SYNJ1: variants seen among roughly 807,000 people sequenced by gnomAD.
SYNJ1 encodes the protein synaptojanin 1, also known as polyphosphatidylinositol phosphatase SYNJ1.
Under a neutral mutation model 168.2 loss-of-function variants are expected in SYNJ1, and 78 were observed. That is an observed-to-expected ratio of 0.46 (90% CI 0.39 to 0.56). SYNJ1 has a LOEUF of 0.56. Ranked by LOEUF, SYNJ1 falls within the 20% of genes least tolerant of loss-of-function variation. SYNJ1 has a pLI of 0.00. For synonymous variants in SYNJ1, 539 were observed against 548.6 expected (o/e 0.98, Z 0.24); for missense variants, 1,303 against 1,597.6 (o/e 0.82, Z 3.14).
chr21:32,670,939 C>G lies in SYNJ1; in HGVS notation c.1727-567G>C, dbSNP rs906658769. 8 of 481,724 alleles carry G rather than the reference C, an allele frequency of 1.7e-5. No individual in the cohort carries two copies. In the African/African-American group the frequency reaches 1.7e-4, roughly 10 times the overall value. 29.8% of individuals were successfully genotyped at this position (481,724 alleles called of 1,614,324 possible). Reference sequence around the variant, plus strand: ...GGAAACTACAAGGACTAACGGAGAACAGAGCTGCCTGAGAAAGCAGCCCAG... The same window carrying G: ...GGAAACTACAAGGACTAACGGAGAAGAGAGCTGCCTGAGAAAGCAGCCCAG... On this transcript the variant is annotated intron_variant, in intron 14 of 32. Transcript: ENST00000674351.
intron 30 of SYNJ1, among the ~76,000 whole-genome samples, chr21:32,639,464 TTACC>T (rs2039730626): frequency 6.6e-6 from 1 of 152,226 alleles, no homozygotes; most frequent in Admixed American, 6.5e-5. Flanking sequence ...TGATCACGGC[TTACC>T]ACAGTCTCAA....
chr21:32,668,009 ATGTGTGTGTGTGTGTGTGTG>A (rs3056370), intron 15 of SYNJ1, among the ~76,000 whole-genome samples: 8 of 144,004 alleles, frequency 5.6e-5, no homozygotes, highest in African/African-American at 2.1e-4. Flanking sequence ...AAGAATATAT[ATGTGTGTGTGTGTGTGTGTG>A]TGTGTGTGTG....
chr21:32,652,834 A>G lies in SYNJ1; in HGVS notation c.2874+454T>C, dbSNP rs560505446. Among the ~76,000 whole-genome samples, 21 of 152,318 alleles carry G rather than the reference A, an allele frequency of 1.4e-4. 2 individuals carry two copies. The South Asian group carries it at 4.3e-3, about 32-fold the overall frequency. ...TGGGATGGATCTGTTATCTCTGGAAATTAATTTAGTTATGTTTGAAGAAGA... is the reference window on the plus strand; with the variant it reads ...TGGGATGGATCTGTTATCTCTGGAAGTTAATTTAGTTATGTTTGAAGAAGA... On this transcript the variant is annotated intron_variant, in intron 22 of 32. Transcript: ENST00000674351.
chr21:32,663,758 G>A lies in SYNJ1; in HGVS notation c.2304+1155C>T, dbSNP rs911174774. Among the ~76,000 whole-genome samples, 9 of 152,294 alleles carry A rather than the reference G, an allele frequency of 5.9e-5. No individual in the cohort carries two copies. The East Asian group carries it at 9.7e-4, about 16-fold the overall frequency. ...ATTTACATGCTCAACCGAATCATACGGTTACAAGCTGTCTTAGAAATAATC... is the reference window on the plus strand; with the variant it reads ...ATTTACATGCTCAACCGAATCATACAGTTACAAGCTGTCTTAGAAATAATC... On this transcript the variant is annotated intron_variant, in intron 18 of 32. Coordinates refer to ENST00000674351, the MANE Select transcript of SYNJ1 (RefSeq NM_203446.3).
At chr21:32,702,893 T>C (rs1473062808) in intron 2 of SYNJ1, among the ~76,000 whole-genome samples, 1 of 152,284 alleles carries the variant, frequency 6.6e-6, no homozygotes, top group Non-Finnish European at 1.5e-5. Flanking sequence ...TGTTCCACGT[T>C]AGAAAATCAC....
At position 32,684,840 on chromosome 21, in the gene SYNJ1, G is replaced by T. The variant is rs145682331; in HGVS notation, c.1119-721C>A. On this transcript the variant is annotated intron_variant, in intron 9 of 32. Transcript: ENST00000674351. ...TGAGACTTGCAGCAGATGGAAATGG[G>T]CATAATAATAGAGTCTATCCCTATA... 5.9e-5 allele frequency among the ~76,000 whole-genome samples: 9 copies of T among 152,272 alleles called. No individual in the cohort carries two copies. The East Asian group carries it at 1.7e-3, about 29-fold the overall frequency.
At chr21:32,670,896 T>C (rs2041159330) in intron 14 of SYNJ1, 1 of 810,346 alleles carries the variant, frequency 1.2e-6, no homozygotes, top group South Asian at 5.7e-5. Context: ...CATCACTCTG[T>C]CTAGCTGCTG....
chr21:32,717,341 T>A (rs945202152), intron 2 of SYNJ1, among the ~76,000 whole-genome samples: 1 of 152,350 alleles, frequency 6.6e-6, no homozygotes. Context: ...TTACAATAGC[T>A]GTTTTAATGT....
rs1438911029 is a variant in SYNJ1 at position 32,700,105 on chromosome 21, C to T, written c.212G>A (p.Gly71Asp). The change falls in exon 4 of 33, where the codon GGT becomes GAT. Residue 71 changes from glycine to aspartate, a missense_variant and splice_region_variant. Gly to Asp is a moderately conservative substitution (Grantham distance 94). Around this residue, in one of 2 missense-constraint regions of SYNJ1, gnomAD observed 920 missense variants for 1,208.8 expected, o/e 0.76. Coordinates refer to ENST00000674351, the MANE Select transcript of SYNJ1 (RefSeq NM_203446.3). ...GLLGVLRLNL[G>D]DTMLHYLVLV... is the part of the protein sequence containing the mutation. ...GACCAGATAATGTAACATAGTATCA[C>T]CTGCAAAACCCAAAGATTTTACTGG... is the stretch of plus-strand genomic sequence containing the variant. 2 of 1,589,168 alleles carry T rather than the reference C, an allele frequency of 1.3e-6. No homozygotes were observed. Among genetic ancestry groups the T allele is most frequent in the East Asian group, 2.3e-5 (1 of 44,364 alleles).
chr21:32,652,742 A>G (rs1601292164), intron 22 of SYNJ1, among the ~76,000 whole-genome samples: 3 of 152,260 alleles, frequency 2.0e-5, no homozygotes, highest in Admixed American at 6.5e-5. Flanking sequence ...AGTTTCCGTC[A>G]TCAATGACTT....
At chr21:32,715,344 C>T (rs1217016961) in intron 2 of SYNJ1, among the ~76,000 whole-genome samples, 2 of 151,842 alleles carry the variant, frequency 1.3e-5, no homozygotes, top group African/African-American at 2.4e-5. Flanking sequence ...CATGGTGGTG[C>T]ACACCCATAA....
chr21:32,686,937 T>C (rs766810318), intron 8 of SYNJ1, 41 bp downstream of exon 8: 2 of 1,237,938 alleles, frequency 1.6e-6, no homozygotes, highest in Non-Finnish European at 2.3e-6. Flanking sequence ...CCATTCTAGG[T>C]GTCCATGGGC....
At chr21:32,688,237 C>A in intron 7 of SYNJ1, 69 bp downstream of exon 7, 1 of 1,436,876 alleles carries the variant, frequency 7.0e-7, no homozygotes, top group Non-Finnish European at 9.5e-7. Context: ...TGAAGTGAAT[C>A]AGTAAATACA....
Position 32,656,919 on chromosome 21 carries a change from A to C in SYNJ1, c.2580-17T>G. The C allele has an allele frequency of 6.2e-7, 1 of 1,612,156 alleles. No homozygotes were observed. Among genetic ancestry groups the C allele is most frequent in the Non-Finnish European group, 8.5e-7 (1 of 1,179,290 alleles). On this transcript the variant is annotated splice_polypyrimidine_tract_variant and intron_variant, in intron 20 of 32. Coordinates refer to ENST00000674351, the MANE Select transcript of SYNJ1 (RefSeq NM_203446.3). ...ACGACAGGCCTTAAGGCATAAAGGA[A>C]GATAGATGTATTAGAAATGTTTTTA...
In SYNJ1 at chr21:32,665,968, A is replaced by G. The variant is rs147929290; in HGVS notation, c.2120T>C (p.Ile707Thr). 1.4e-3 allele frequency: 2,180 copies of G among 1,610,828 alleles called. 3 individuals carry two copies. The highest frequency in any genetic ancestry group is 1.7e-3 in the Non-Finnish European group (2,030 of 1,178,654). Residue 707 changes from isoleucine to threonine, a missense_variant, in exon 17 of 33, where the codon ATA (isoleucine) becomes ACA (threonine). By Grantham distance (89) the Ile-to-Thr change is moderately conservative. Transcript: ENST00000674351. ...CATAGGAAAACTCAATTTTCGTGCT[A>G]TTTCTATAAAATCTTCATTTCTTTC... ...VKERNEDFIE[I>T]ARKLSFPMGR...
intron 11 of SYNJ1, among the ~76,000 whole-genome samples, chr21:32,679,647 T>C (rs941025525): frequency 6.6e-6 from 1 of 152,164 alleles, no homozygotes; most frequent in African/African-American, 2.4e-5. Context: ...GGCTTCTTTT[T>C]AGAATAAAGA....
chr21:32,695,416 A>G, intron 4 of SYNJ1, 134 bp from the exon 5 acceptor site: 2 of 839,742 alleles, frequency 2.4e-6, no homozygotes, highest in Non-Finnish European at 3.6e-6. Context: ...ATTCATTTAC[A>G]TTTACTATGC....
chr21:32,676,344 T>C lies in SYNJ1; in HGVS notation c.1522A>G (p.Thr508Ala). ...TTGSLRVSEQ[T>A]LQSASSKVLK... is the part of the protein sequence containing the mutation. ...TTCTATACTGTACCTGACTGTAATG[T>C]CTGCTCAGAAACTATGGATGCAACA... Residue 508 changes from threonine (T) to alanine (A), a missense_variant, in exon 13 of 33, where the codon ACA becomes GCA. Physicochemically the swap from Thr to Ala is moderately conservative, Grantham distance 58. Around this residue, in one of 2 missense-constraint regions of SYNJ1, gnomAD observed 920 missense variants for 1,208.8 expected, o/e 0.76. Coordinates refer to ENST00000674351, the MANE Select transcript of SYNJ1 (RefSeq NM_203446.3). 2 of 1,606,722 alleles carry C rather than the reference T, an allele frequency of 1.2e-6. No individual in the cohort carries two copies. The highest frequency in any genetic ancestry group is 1.3e-5 in the African/African-American group (1 of 74,716).
chr21:32,672,023 C>T (rs2041211464), intron 14 of SYNJ1, among the ~76,000 whole-genome samples: 1 of 131,450 alleles, frequency 7.6e-6, no homozygotes, highest in East Asian at 2.3e-4. Flanking sequence ...CCTGCCACTG[C>T]ACTCCAGCCT....
Sources: allele counts gnomAD v4.1 joint callset (sites outside exome capture counted in the v4.1 genomes callset), GRCh38; gene constraint gnomAD v4.1.1; regional missense constraint gnomAD v4.1.1; transcripts MANE v1.5; gene names NCBI Gene and HGNC (gene_info 2026-07-23, HGNC 2026-07-21).